ZNF385D: variants seen among roughly 807,000 people sequenced by gnomAD.
ZNF385D encodes the protein zinc finger protein 659.
A neutral mutation model predicts 35.8 loss-of-function variants in ZNF385D; 15 were observed. The ratio of observed to expected loss-of-function variants is 0.42; its 90% CI spans 0.28 to 0.64. ZNF385D has a LOEUF of 0.64. Among genes scored for constraint, ZNF385D ranks in the 30% least tolerant of loss-of-function variants. The pLI is 0.23. For synonymous variants in ZNF385D, 212 were observed against 186.8 expected (o/e 1.13, Z -1.10); for missense variants, 474 against 494.6 (o/e 0.96, Z 0.39).
chr3:21,989,142 C>G (rs6802331), intron 3 of ZNF385D, among the ~76,000 whole-genome samples: 7,427 of 152,208 alleles, frequency 0.049, 595 homozygotes, highest in African/African-American at 0.17. Context: ...GAGCTGTAGA[C>G]CGGAGCTGTT....
At chr3:22,348,680 A>AAGGAAGGG (rs1695776063) in intron 2 of ZNF385D, among the ~76,000 whole-genome samples, 3 of 140,454 alleles carry the variant, frequency 2.1e-5, no homozygotes. Context: ...GAAAGAAAGA[A>AAGGAAGGG]AGGAAGGGAG....
intron 3 of ZNF385D, among the ~76,000 whole-genome samples, chr3:21,795,983 G>T (rs184309925): frequency 1.3e-5 from 2 of 152,090 alleles, no homozygotes; most frequent in Admixed American, 1.3e-4. Context: ...AATAGTCTAG[G>T]GTAATTTTCT....
chr3:22,297,708 G>A (rs758426705), intron 2 of ZNF385D, among the ~76,000 whole-genome samples: 20 of 151,878 alleles, frequency 1.3e-4, no homozygotes, highest in Non-Finnish European at 2.1e-4. Context: ...AATACACGTG[G>A]CGAGGATTCA....
intron 3 of ZNF385D, among the ~76,000 whole-genome samples, chr3:22,024,780 C>G (rs943621555): frequency 6.6e-6 from 1 of 151,988 alleles, no homozygotes; most frequent in Non-Finnish European, 1.5e-5. Flanking sequence ...AGGAACGTAA[C>G]GAAGCTGGAT....
At chr3:21,897,628 A>T (rs929449797) in intron 3 of ZNF385D, among the ~76,000 whole-genome samples, 1 of 152,064 alleles carries the variant, frequency 6.6e-6, no homozygotes, top group African/African-American at 2.4e-5. Context: ...ACAAACATCA[A>T]ACAGATTTTT....
chr3:22,174,268 C>G (rs767924222), intron 2 of ZNF385D, among the ~76,000 whole-genome samples: 2 of 152,140 alleles, frequency 1.3e-5, no homozygotes, highest in African/African-American at 2.4e-5. Flanking sequence ...CAGGTTACAT[C>G]GTTTTGTCTA....
At chr3:21,918,843 A>G (rs947562141) in intron 3 of ZNF385D, among the ~76,000 whole-genome samples, 13 of 152,094 alleles carry the variant, frequency 8.5e-5, no homozygotes, top group African/African-American at 3.1e-4. Context: ...TGACAGCGAG[A>G]TCTCGTGATT....
At chr3:21,444,784 T>G (rs1035538174) in intron 4 of ZNF385D, among the ~76,000 whole-genome samples, 1 of 147,952 alleles carries the variant, frequency 6.8e-6, no homozygotes, top group Admixed American at 6.8e-5. Flanking sequence ...GAGAATGCTT[T>G]TATTTTGTAG....
chr3:22,333,838 CAG>C (rs984797521), intron 2 of ZNF385D, among the ~76,000 whole-genome samples: 3 of 152,104 alleles, frequency 2.0e-5, no homozygotes, highest in African/African-American at 4.8e-5. Flanking sequence ...TGGTGGATAC[CAG>C]AGAGAGAAAT....
chr3:21,412,253 A>G lies in ZNF385D; in HGVS notation c.*8961T>C, dbSNP rs1214804066. On this transcript the variant is annotated 3_prime_UTR_variant, in exon 8 of 8. Transcript: ENST00000281523. ...TAAGATATTTTACTTTTTTTCTTTA[A>G]TCAGCACATTTCTTTTGATAAATAG... 1 of 152,058 alleles carries G rather than the reference A, an allele frequency of 6.6e-6. No homozygotes were observed. Among genetic ancestry groups the G allele is most frequent in the Non-Finnish European group, 1.5e-5 (1 of 67,968 alleles). The allele number at this position is 152,058 out of a possible 1,614,324, so 9.4% of individuals were successfully genotyped here.
intron 2 of ZNF385D, among the ~76,000 whole-genome samples, chr3:22,287,200 C>G (rs891186986): frequency 6.6e-6 from 1 of 151,914 alleles, no homozygotes; most frequent in Admixed American, 6.6e-5. Flanking sequence ...GCTACCTCTG[C>G]TCTCTTTTCC....
chr3:22,272,486 TG>T (rs1701227459), intron 2 of ZNF385D, among the ~76,000 whole-genome samples: 1 of 152,048 alleles, frequency 6.6e-6, no homozygotes, highest in Non-Finnish European at 1.5e-5. Context: ...TTACCTTTGC[TG>T]ATGTCCCTGC....
chr3:21,634,313 G>C (rs534301402), intron 2 of ZNF385D, among the ~76,000 whole-genome samples: 1 of 147,780 alleles, frequency 6.8e-6, no homozygotes, highest in African/African-American at 2.5e-5. Flanking sequence ...GAAGGGAAGG[G>C]AGAAAGGAAA....
At chr3:21,610,792 A>G (rs983321128) in intron 2 of ZNF385D, among the ~76,000 whole-genome samples, 3 of 150,024 alleles carry the variant, frequency 2.0e-5, no homozygotes, top group Non-Finnish European at 4.5e-5. Context: ...AAAAAAAAAC[A>G]ATAGTCATGT....
At chr3:22,137,574 G>A (rs1209919921) in intron 3 of ZNF385D, among the ~76,000 whole-genome samples, 6 of 151,784 alleles carry the variant, frequency 4.0e-5, no homozygotes, top group African/African-American at 1.2e-4. Context: ...CAAAAATCAC[G>A]ATTATCTCAA....
intron 3 of ZNF385D, among the ~76,000 whole-genome samples, chr3:21,756,658 A>G (rs1407626698): frequency 6.6e-6 from 1 of 152,228 alleles, no homozygotes; most frequent in Admixed American, 6.5e-5. Context: ...GGGACATTAT[A>G]AGAGCAAAAG....
At position 21,512,145 on chromosome 3, in the gene ZNF385D, C is replaced by CAAA. The variant is rs35276805; in HGVS notation, c.277-1125_277-1123dup. 2.1e-3 allele frequency among the ~76,000 whole-genome samples: 187 copies of CAAA among 90,040 alleles called. 6 individuals carry two copies. The highest frequency in any genetic ancestry group is 4.5e-3 in the East Asian group (14 of 3,088). 59.1% of individuals were successfully genotyped at this position (90,040 alleles called of 152,430 possible). ...CTGGTGACAGAGCGAGACTCCATCT[C>CAAA]AAAAAAAAAAAAAAAAAAAGAAGTA... On this transcript the variant is annotated intron_variant, in intron 3 of 7. Coordinates refer to ENST00000281523, the MANE Select transcript of ZNF385D (RefSeq NM_024697.3).
chr3:21,981,179 T>C (rs1007277949), intron 3 of ZNF385D, among the ~76,000 whole-genome samples: 17 of 152,098 alleles, frequency 1.1e-4, no homozygotes, highest in Non-Finnish European at 4.4e-5. Flanking sequence ...TTTACACTCC[T>C]ACCAACAGTG....
chr3:21,874,836 C>G (rs1697879652), intron 3 of ZNF385D, among the ~76,000 whole-genome samples: 1 of 151,970 alleles, frequency 6.6e-6, no homozygotes, highest in East Asian at 1.9e-4. Context: ...GACATTTTAA[C>G]AATATTAAGT....
Sources: allele counts gnomAD v4.1 joint callset (sites outside exome capture counted in the v4.1 genomes callset), GRCh38; gene constraint gnomAD v4.1.1; transcripts MANE v1.5; gene names NCBI Gene and HGNC (gene_info 2026-07-23, HGNC 2026-07-21).